Variants in KIR3DL1 observed in about 807,000 individuals in gnomAD.
The protein encoded by KIR3DL1 is killer cell immunoglobulin-like receptor 3DL1.
A neutral mutation model predicts 40.3 loss-of-function variants in KIR3DL1; 50 were observed. The observed-to-expected ratio is 1.24, with a 90% CI of 0.99 to 1.57. KIR3DL1 has a LOEUF of 1.57. KIR3DL1 is among the 40% of genes most tolerant of loss of function. The probability of loss-of-function intolerance (pLI) is 0.00; values close to 1 mark genes in which losing one functional copy is unlikely to be tolerated. For synonymous variants in KIR3DL1, 257 were observed against 207.2 expected, an observed-to-expected ratio of 1.24 and a Z score of -2.07; for missense variants, 661 against 559.9, an observed-to-expected ratio of 1.18 and a Z score of -1.82.
chr19:54,818,555 C>T (rs1601315465), exon 3 of KIR3DL1: 4 of 1,611,574 alleles, frequency 2.5e-6, no homozygotes, highest in Non-Finnish European at 3.4e-6. Flanking sequence ...CACTCCCCCA[C>T]TGGGTGGTCG....
chr19:54,818,674 A>G (rs951095347), intron 3 of KIR3DL1, 75 bp downstream of exon 3: 1 of 1,543,980 alleles, frequency 6.5e-7, no homozygotes, highest in African/African-American at 1.4e-5. Flanking sequence ...GGTGTCCGTC[A>G]GGGTCCCATC....
rs368687728 is a variant in KIR3DL1, at chr19:54,817,294, G to A, written c.35-240G>A. Among the ~76,000 whole-genome samples the A allele has an allele frequency of 1.8e-4, 27 of 146,240 alleles. 1 individual carries two copies. The highest frequency in any genetic ancestry group is 8.3e-4 in the East Asian group (4 of 4,848). On this transcript the variant is annotated intron_variant, in intron 1 of 8. Coordinates refer to ENST00000391728, the Ensembl canonical transcript of KIR3DL1. ...AGATATGGGCCTGGAGTGGAGATAC[G>A]GACCTGGAGTGGAGATCTGGGCCTG...
chr19:54,819,853 C>G (rs1065331), exon 4 of KIR3DL1: 3 of 1,612,050 alleles, frequency 1.9e-6, no homozygotes, highest in Non-Finnish European at 2.5e-6. Context: ...GGACCCCTCA[C>G]GCCTCGTTGG....
intron 2 of KIR3DL1, 70 bp downstream of exon 2, chr19:54,817,639 G>T: frequency 1.6e-6 from 2 of 1,284,608 alleles, no homozygotes; most frequent in South Asian, 2.5e-5. Context: ...TGGGAGGGAA[G>T]TCCTGTCGGG....
At chr19:54,819,853 C>A (rs1065331) in exon 4 of KIR3DL1, 36,658 of 1,612,006 alleles carry the variant, frequency 0.023, 1,196 homozygotes, top group African/African-American at 0.066. Flanking sequence ...GGACCCCTCA[C>A]GCCTCGTTGG....
At chr19:54,819,677 A>C in intron 3 of KIR3DL1, 36 bp from the exon 4 acceptor site, 3 of 1,592,638 alleles carry the variant, frequency 1.9e-6, no homozygotes, top group African/African-American at 2.7e-5. Flanking sequence ...GATGATAAAG[A>C]GAGATGCCTT....
At chr19:54,823,119 G>C (rs1273725152) in intron 5 of KIR3DL1, among the ~76,000 whole-genome samples, 6 of 148,920 alleles carry the variant, frequency 4.0e-5, no homozygotes, top group African/African-American at 1.3e-4. Context: ...ATTGCAACCT[G>C]TGCCTCCTAG....
chr19:54,830,138 C>G lies in KIR3DL1; in HGVS notation c.1198C>G (p.Gln400Glu), dbSNP rs1130516. The stretch of plus-strand genomic sequence containing the variant: ...AGACCCTGAGGAGGTGACATACGCA[C>G]AGTTGGATCACTGCGTTTTCACACA... Residue 400 changes from glutamine to glutamate, a missense_variant, in exon 9 of 9, where the codon CAG (glutamine) becomes GAG (glutamate). Around this residue, in one of 3 missense-constraint regions of KIR3DL1, gnomAD observed 107 missense variants for 129.4 expected, o/e 0.83. Coordinates refer to ENST00000391728, the Ensembl canonical transcript of KIR3DL1. The G allele has an allele frequency of 3.9e-6, 6 of 1,523,164 alleles. 1 individual carries two copies. Among genetic ancestry groups the G allele is most frequent in the Non-Finnish European group, 5.3e-6 (6 of 1,122,116 alleles). 94.4% of individuals were successfully genotyped at this position (1,523,164 alleles called of 1,614,324 possible). A position where few individuals can be genotyped will look rare whatever the true frequency, so the allele number is the denominator to read the frequency against.
intron 5 of KIR3DL1, 53 bp downstream of exon 5, chr19:54,821,911 A>C (rs2061661567): frequency 7.1e-6 from 11 of 1,553,644 alleles, no homozygotes; most frequent in Non-Finnish European, 9.7e-6. Context: ...TCCTTAGCTA[A>C]GGAGCTTCCT....
rs62124154 is a variant in KIR3DL1 at position 54,829,478 on chromosome 19, G to T, written c.1105+13G>T. 14 of 1,409,834 alleles carry T rather than the reference G, an allele frequency of 9.9e-6. 4 individuals are homozygous for T. Among genetic ancestry groups the T allele is most frequent in the Non-Finnish European group, 1.3e-5 (14 of 1,038,434 alleles). 87.3% of individuals were successfully genotyped at this position (1,409,834 alleles called of 1,614,324 possible). A position where few individuals can be genotyped will look rare whatever the true frequency, so the allele number is the denominator to read the frequency against. ...TCCAACAAAAAAAGTAAGTCTCACG[G>T]GGCACAGGCCAGAGAGCTCAGGGCC... is the stretch of plus-strand genomic sequence containing the variant. On this transcript the variant is annotated intron_variant, in intron 7 of 8. Transcript: ENST00000391728.
At chr19:54,826,248 G>A (rs370112461) in intron 6 of KIR3DL1, among the ~76,000 whole-genome samples, 146,930 of 149,468 alleles carry the variant, frequency 0.98, 72,267 homozygotes, top group East Asian at 1. Flanking sequence ...CAGAAAATGA[G>A]TGCACAAGTG....
intron 6 of KIR3DL1, among the ~76,000 whole-genome samples, chr19:54,827,978 C>A (rs1459541358): frequency 6.7e-6 from 1 of 150,336 alleles, no homozygotes; most frequent in East Asian, 1.9e-4. Context: ...TGGAGTGAGT[C>A]CAGATCTTGG....
At position 54,816,870 on chromosome 19, in the gene KIR3DL1, GATGGGCCTGGAGTGGAGAT is replaced by G. The variant is rs2061367158; in HGVS notation, c.34+349_34+367del. ...GGAGTGATGGGCCTAGAAGTGGAGC[GATGGGCCTGGAGTGGAGAT>G]ATGGGCCTGGAGGTGGAGTTATGGG... On this transcript the variant is annotated intron_variant, in intron 1 of 8. Coordinates refer to ENST00000391728, the Ensembl canonical transcript of KIR3DL1. 2.0e-5 allele frequency among the ~76,000 whole-genome samples: 2 copies of G among 101,676 alleles called. 1 individual carries two copies. The highest frequency in any genetic ancestry group is 2.1e-4 in the Admixed American group (2 of 9,348). 66.7% of individuals were successfully genotyped at this position (101,676 alleles called of 152,430 possible).
chr19:54,826,167 C>G (rs1601405193), intron 6 of KIR3DL1, among the ~76,000 whole-genome samples: 2 of 150,480 alleles, frequency 1.3e-5, no homozygotes, highest in South Asian at 2.1e-4. Context: ...CTGCCTTCCA[C>G]GAACGGTGAA....
At chr19:54,827,621 T>C (rs1374537443) in intron 6 of KIR3DL1, among the ~76,000 whole-genome samples, 4 of 150,320 alleles carry the variant, frequency 2.7e-5, no homozygotes, top group Admixed American at 6.6e-5. Context: ...TCTCAAAAAA[T>C]AAAAATAAGA....
intron 4 of KIR3DL1, among the ~76,000 whole-genome samples, 178 bp from the exon 5 acceptor site, chr19:54,821,387 C>T (rs2061625952): frequency 6.6e-6 from 1 of 150,582 alleles, no homozygotes; most frequent in Non-Finnish European, 1.5e-5. Context: ...AGGTCATAGA[C>T]CTAGAGAGAC....
intron 5 of KIR3DL1, among the ~76,000 whole-genome samples, chr19:54,822,670 C>T (rs2061697302): frequency 6.6e-6 from 1 of 150,928 alleles, no homozygotes; most frequent in Non-Finnish European, 1.5e-5. Context: ...TGTTACCCTC[C>T]ACCCTTCCCT....
At chr19:54,825,422 A>T (rs1192229209) in intron 6 of KIR3DL1, among the ~76,000 whole-genome samples, 1 of 142,588 alleles carries the variant, frequency 7.0e-6, no homozygotes, top group Non-Finnish European at 1.6e-5. Flanking sequence ...GGAACATCTG[A>T]TGAGGGCGAG....
At chr19:54,817,886 C>T (rs1343616902) in intron 2 of KIR3DL1, among the ~76,000 whole-genome samples, 1 of 147,300 alleles carries the variant, frequency 6.8e-6, no homozygotes, top group Non-Finnish European at 1.5e-5. Flanking sequence ...TCACACCCTC[C>T]AGCGTTTCCG....
Sources: gnomAD v4.1 joint callset for allele counts (sites outside exome capture counted in the v4.1 genomes callset) on GRCh38, gnomAD v4.1.1 for gene constraint, gnomAD v4.1.1 regional missense constraint, MANE v1.5 for transcripts, NCBI Gene and HGNC (gene_info 2026-07-23, HGNC 2026-07-21) for gene names.